The following AGBL1 variants were observed in gnomAD, a reference collection of about 807,000 sequenced individuals.
The protein encoded by AGBL1 is AGBL carboxypeptidase 1.
A neutral mutation model predicts 118.9 loss-of-function variants in AGBL1; 130 were observed. The observed-to-expected ratio is 1.09, with a 90% CI of 0.95 to 1.26. The LOEUF (loss-of-function observed/expected upper bound fraction) is 1.26. Ranked by LOEUF, AGBL1 falls within the 50% of genes most tolerant of loss-of-function variation. The pLI, the probability that AGBL1 is intolerant of heterozygous loss-of-function variation, is 0.00. For missense variants in AGBL1, 1,584 were observed against 1,298.1 expected, an observed-to-expected ratio of 1.22 and a Z score of -3.38; for synonymous variants, 555 against 478.9, an observed-to-expected ratio of 1.16 and a Z score of -2.08.
At chr15:86,898,417 G>A (rs910225287) in intron 22 of AGBL1, among the ~76,000 whole-genome samples, 2 of 152,134 alleles carry the variant, frequency 1.3e-5, no homozygotes, top group African/African-American at 4.8e-5. Context: ...TCAATCTGCT[G>A]CATATGACTA....
intron 18 of AGBL1, among the ~76,000 whole-genome samples, chr15:86,504,078 T>C (rs1014871561): frequency 2.0e-5 from 3 of 151,754 alleles, no homozygotes; most frequent in African/African-American, 7.2e-5. Context: ...CTTTTAGTTA[T>C]TCCTTCATGT....
At chr15:86,825,583 G>A (rs142998175) in intron 22 of AGBL1, among the ~76,000 whole-genome samples, 301 of 147,560 alleles carry the variant, frequency 2.0e-3, no homozygotes, top group African/African-American at 7.1e-3. Flanking sequence ...ATGGCAAAGA[G>A]CACATGAAAA....
At chr15:86,612,640 C>T (rs1207983757) in intron 21 of AGBL1, among the ~76,000 whole-genome samples, 4 of 152,184 alleles carry the variant, frequency 2.6e-5, no homozygotes, top group Admixed American at 1.3e-4. Context: ...GTATTTTACA[C>T]CCAAATATAT....
intron 1 of AGBL1, among the ~76,000 whole-genome samples, chr15:86,096,280 T>C (rs1415329709): frequency 6.6e-6 from 1 of 152,204 alleles, no homozygotes; most frequent in Non-Finnish European, 1.5e-5. Context: ...GTCTGCTTTC[T>C]GTTTTCTAAA....
intron 5 of AGBL1, among the ~76,000 whole-genome samples, chr15:86,213,569 A>C (rs765153650): frequency 6.6e-6 from 1 of 151,920 alleles, no homozygotes; most frequent in Non-Finnish European, 1.5e-5. Flanking sequence ...TTTGAAAATC[A>C]CTGGTCTCAG....
At chr15:86,885,414 A>G (rs551102635) in intron 22 of AGBL1, among the ~76,000 whole-genome samples, 108 of 152,342 alleles carry the variant, frequency 7.1e-4, no homozygotes, top group African/African-American at 2.5e-3. Flanking sequence ...GACTTGAACA[A>G]TATGGGAGTC....
In AGBL1 at chr15:86,383,851, A is replaced by G. The variant is rs146623736; in HGVS notation, c.2375-13515A>G. Among the ~76,000 whole-genome samples, 47 of 152,332 alleles carry G rather than the reference A, an allele frequency of 3.1e-4. No homozygotes were observed. The East Asian group carries it at 8.7e-3, about 28-fold the overall frequency. On this transcript the variant is annotated intron_variant, in intron 17 of 22. Coordinates refer to ENST00000614907, the MANE Select transcript of AGBL1 (RefSeq NM_001386094.1). ...CTTTTTTTCAGGCAAATAATGTGGGAAAGAGCAGAGCAAGAAACATATCTG... is the reference window on the plus strand; with the variant it reads ...CTTTTTTTCAGGCAAATAATGTGGGGAAGAGCAGAGCAAGAAACATATCTG...
intron 22 of AGBL1, among the ~76,000 whole-genome samples, chr15:86,677,664 C>A (rs2085872874): frequency 6.6e-6 from 1 of 152,138 alleles, no homozygotes. Flanking sequence ...CAGAGCTGTG[C>A]CTCAGCAATG....
chr15:87,027,390 G>A (rs2081740612), intron 24 of AGBL1, among the ~76,000 whole-genome samples: 1 of 151,732 alleles, frequency 6.6e-6, no homozygotes, highest in Non-Finnish European at 1.5e-5. Context: ...AAAGACAGGA[G>A]GCAGAAATAC....
At chr15:86,166,124 A>C (rs1256961857) in intron 5 of AGBL1, among the ~76,000 whole-genome samples, 1 of 152,200 alleles carries the variant, frequency 6.6e-6, no homozygotes, top group Non-Finnish European at 1.5e-5. Context: ...AGGCTGAACC[A>C]AGCCTTCTAC....
chr15:86,280,844 G>A (rs555869029), intron 16 of AGBL1, among the ~76,000 whole-genome samples: 2 of 152,244 alleles, frequency 1.3e-5, no homozygotes, highest in East Asian at 1.9e-4. Context: ...TCCATATGTT[G>A]TCTTGCCTAA....
intron 5 of AGBL1, among the ~76,000 whole-genome samples, chr15:86,195,896 G>A (rs370872846): frequency 7.9e-5 from 12 of 152,106 alleles, no homozygotes; most frequent in Middle Eastern, 3.2e-3. Context: ...GTCTATCCAA[G>A]CTCTGCCGTG....
intron 9 of AGBL1, among the ~76,000 whole-genome samples, chr15:86,262,098 A>ATTTTTT (rs1191549795): frequency 2.3e-3 from 15 of 6,658 alleles, no homozygotes; most frequent in African/African-American, 2.6e-3. Flanking sequence ...TTTTTTTGCC[A>ATTTTTT]TTTAGGTCTC....
At chr15:86,822,207 T>A (rs2078951432) in intron 22 of AGBL1, among the ~76,000 whole-genome samples, 1 of 152,160 alleles carries the variant, frequency 6.6e-6, no homozygotes, top group Non-Finnish European at 1.5e-5. Flanking sequence ...TCATGAGACT[T>A]CTCAGTGGAG....
intron 16 of AGBL1, among the ~76,000 whole-genome samples, chr15:86,283,548 G>C (rs982335316): frequency 3.9e-5 from 6 of 151,902 alleles, no homozygotes; most frequent in African/African-American, 1.2e-4. Context: ...GAAAAGAAAA[G>C]GAATTAGAAT....
chr15:86,397,694 T>C (rs1475129978), intron 18 of AGBL1, 148 bp downstream of exon 18: 1 of 717,102 alleles, frequency 1.4e-6, no homozygotes, highest in Non-Finnish European at 2.3e-6. Flanking sequence ...AATAACAACA[T>C]ACTTTCCATA....
intron 5 of AGBL1, among the ~76,000 whole-genome samples, chr15:86,185,555 AC>A (rs1198327223): frequency 6.6e-6 from 1 of 152,206 alleles, no homozygotes; most frequent in Non-Finnish European, 1.5e-5. Context: ...GGACATATAT[AC>A]CACGGAATAC....
At chr15:86,561,220 G>A (rs1354588783) in intron 21 of AGBL1, among the ~76,000 whole-genome samples, 1 of 152,192 alleles carries the variant, frequency 6.6e-6, no homozygotes, top group African/African-American at 2.4e-5. Context: ...CCACGCCTAT[G>A]TCCTGAATGG....
intron 1 of AGBL1, among the ~76,000 whole-genome samples, chr15:86,140,957 G>T (rs902695033): frequency 2.0e-5 from 3 of 152,208 alleles, no homozygotes; most frequent in Non-Finnish European, 2.9e-5. Context: ...TATCCTATAT[G>T]TGATGGGGAA....
Sources: gnomAD v4.1 joint callset for allele counts (sites outside exome capture counted in the v4.1 genomes callset) on GRCh38, gnomAD v4.1.1 for gene constraint, MANE v1.5 for transcripts, NCBI Gene and HGNC (gene_info 2026-07-23, HGNC 2026-07-21) for gene names.